Variants in PXDNL observed in about 807,000 individuals in gnomAD.
The protein encoded by PXDNL is peroxidasin like.
Under a neutral mutation model 150.8 loss-of-function variants are expected in PXDNL, and 145 were observed. That is an observed-to-expected ratio of 0.96 (90% CI 0.84 to 1.10). The LOEUF (loss-of-function observed/expected upper bound fraction) is 1.10, where lower values mean the gene tolerates loss of function less well. Among genes scored for constraint, PXDNL ranks in the 50% least tolerant of loss-of-function variants. The pLI, the probability that PXDNL is intolerant of heterozygous loss-of-function variation, is 0.00. For missense variants in PXDNL, 2,087 were observed against 1,873.9 expected (o/e 1.11, Z -2.10); for synonymous variants, 757 against 725.7 (o/e 1.04, Z -0.69).
intron 12 of PXDNL, among the ~76,000 whole-genome samples, chr8:51,435,091 G>C (rs1000470232): frequency 1.3e-5 from 2 of 152,114 alleles, no homozygotes; most frequent in African/African-American, 4.8e-5. Flanking sequence ...GGCCGAGGCG[G>C]GCAGATCACA....
At chr8:51,532,156 G>A (rs903475264) in intron 4 of PXDNL, among the ~76,000 whole-genome samples, 2 of 152,166 alleles carry the variant, frequency 1.3e-5, no homozygotes, top group South Asian at 2.1e-4. Flanking sequence ...AATAGCCTTC[G>A]CATTAGAGGC....
At chr8:51,426,501 A>G in intron 13 of PXDNL, 145 bp downstream of exon 13, 1 of 547,732 alleles carries the variant, frequency 1.8e-6, no homozygotes, top group Non-Finnish European at 3.2e-6. Context: ...AACAGGAAGT[A>G]AACCTGCTGC....
intron 1 of PXDNL, among the ~76,000 whole-genome samples, chr8:51,722,694 A>G (rs1387953108): frequency 6.6e-6 from 1 of 152,124 alleles, no homozygotes; most frequent in African/African-American, 2.4e-5. Flanking sequence ...TCCTCTCAGC[A>G]TTCAGACACT....
intron 19 of PXDNL, among the ~76,000 whole-genome samples, chr8:51,355,488 T>C (rs970510454): frequency 1.3e-5 from 2 of 152,212 alleles, no homozygotes; most frequent in African/African-American, 4.8e-5. Flanking sequence ...ATTGTTTTAT[T>C]TGAAGGAAGT....
intron 19 of PXDNL, among the ~76,000 whole-genome samples, chr8:51,359,949 T>C (rs1586032653): frequency 6.6e-6 from 1 of 151,550 alleles, no homozygotes; most frequent in African/African-American, 2.4e-5. Flanking sequence ...GGGAAAAAGA[T>C]ACTTGAGTAC....
intron 1 of PXDNL, among the ~76,000 whole-genome samples, chr8:51,660,564 C>T (rs903840896): frequency 6.6e-6 from 1 of 152,068 alleles, no homozygotes; most frequent in Non-Finnish European, 1.5e-5. Flanking sequence ...GTCTCAAATC[C>T]GAGAAATATT....
chr8:51,613,041 G>C (rs1490438265), intron 2 of PXDNL, among the ~76,000 whole-genome samples: 68 of 152,090 alleles, frequency 4.5e-4, no homozygotes, highest in Non-Finnish European at 5.9e-5. Flanking sequence ...ATGCCGCAAG[G>C]ACCTAAACTA....
intron 12 of PXDNL, chr8:51,436,280 G>C (rs1809406376): frequency 8.1e-6 from 4 of 494,904 alleles, no homozygotes; most frequent in Non-Finnish European, 1.6e-5. Context: ...ATAGAAGAAG[G>C]TGTTGCTCTT....
At chr8:51,336,564 C>T (rs1184355571) in intron 21 of PXDNL, among the ~76,000 whole-genome samples, 1 of 152,188 alleles carries the variant, frequency 6.6e-6, no homozygotes, top group Non-Finnish European at 1.5e-5. Flanking sequence ...TCCCCATCTA[C>T]CTTTGGGTGC....
chr8:51,736,733 A>G (rs1424145107), intron 1 of PXDNL, among the ~76,000 whole-genome samples: 1 of 152,250 alleles, frequency 6.6e-6, no homozygotes, highest in Non-Finnish European at 1.5e-5. Flanking sequence ...TTTGTGGTAC[A>G]TAAGGGCAGT....
chr8:51,649,585 T>G (rs1814992751), intron 2 of PXDNL, among the ~76,000 whole-genome samples: 1 of 152,160 alleles, frequency 6.6e-6, no homozygotes, highest in Admixed American at 6.5e-5. Flanking sequence ...ACACATAACA[T>G]GTTTACAATA....
chr8:51,639,333 G>T (rs570206619), intron 2 of PXDNL, among the ~76,000 whole-genome samples: 1 of 151,968 alleles, frequency 6.6e-6, no homozygotes, highest in Non-Finnish European at 1.5e-5. Flanking sequence ...CTAGCAGAAG[G>T]CAAGAAATAA....
At chr8:51,477,669 A>G (rs1221036998) in intron 6 of PXDNL, among the ~76,000 whole-genome samples, 1 of 152,234 alleles carries the variant, frequency 6.6e-6, no homozygotes, top group Non-Finnish European at 1.5e-5. Flanking sequence ...CTTCAGCATC[A>G]CCATGACGTT....
At chr8:51,337,949 C>A (rs1057292221) in intron 21 of PXDNL, among the ~76,000 whole-genome samples, 6 of 149,336 alleles carry the variant, frequency 4.0e-5, no homozygotes, top group African/African-American at 1.5e-4. Flanking sequence ...GAGGTCGAAG[C>A]GGGCAGATGA....
chr8:51,644,033 C>A (rs1401873037), intron 2 of PXDNL, among the ~76,000 whole-genome samples: 1 of 151,618 alleles, frequency 6.6e-6, no homozygotes. Flanking sequence ...GTAGTTCCAG[C>A]TACTGGGGAG....
chr8:51,449,116 G>A lies in PXDNL; in HGVS notation c.1252C>T (p.Pro418Ser). Residue 418 changes from proline (P) to serine (S), a missense_variant and splice_region_variant, in exon 11 of 23, where the codon CCT becomes TCT. By Grantham distance (74) the Pro-to-Ser change is moderately conservative. Transcript: ENST00000356297. ...TTGGGGGTTACTGTAAATTGTGGAG[G>A]AGCTAAAGAGAATGAAACATACATC... Reference protein sequence around the residue: ...QAAANIIVQAPPQFTVTPKDQ... With the variant: ...QAAANIIVQASPQFTVTPKDQ... The A allele has an allele frequency of 1.3e-6, 2 of 1,503,874 alleles. No homozygotes were observed. Among genetic ancestry groups the A allele is most frequent in the Non-Finnish European group, 1.8e-6 (2 of 1,111,404 alleles). The allele number at this position is 1,503,874 out of a possible 1,614,324, so 93.2% of individuals were successfully genotyped here. A position where few individuals can be genotyped will look rare whatever the true frequency, so the allele number is the denominator to read the frequency against.
intron 1 of PXDNL, among the ~76,000 whole-genome samples, chr8:51,687,471 C>A (rs1012148373): frequency 6.6e-6 from 1 of 152,106 alleles, no homozygotes; most frequent in Non-Finnish European, 1.5e-5. Context: ...TAATTATAAC[C>A]ACTTCCAATT....
intron 2 of PXDNL, among the ~76,000 whole-genome samples, chr8:51,620,705 G>A (rs985194704): frequency 1.4e-4 from 4 of 28,040 alleles, no homozygotes; most frequent in Non-Finnish European, 2.2e-4. Flanking sequence ...TGCCACGCCC[G>A]GCTAATTTTT....
intron 11 of PXDNL, among the ~76,000 whole-genome samples, chr8:51,447,624 T>C (rs1315525877): frequency 2.6e-5 from 4 of 152,032 alleles, no homozygotes; most frequent in Non-Finnish European, 5.9e-5. Context: ...ATTCATGCTG[T>C]TATCTACACA....
Sources: allele counts gnomAD v4.1 joint callset (sites outside exome capture counted in the v4.1 genomes callset), GRCh38; gene constraint gnomAD v4.1.1; transcripts MANE v1.5; gene names NCBI Gene and HGNC (gene_info 2026-07-23, HGNC 2026-07-21).